NXPE2: variants seen among roughly 807,000 people sequenced by gnomAD.
NXPE2 encodes the protein NXPE family member 2.
In NXPE2, 34 loss-of-function variants were observed where a neutral mutation model predicts 34.4. The ratio of observed to expected loss-of-function variants is 0.99; its 90% CI spans 0.75 to 1.31. The LOEUF (loss-of-function observed/expected upper bound fraction) is 1.31, where lower values mean the gene tolerates loss of function less well. NXPE2 is among the 40% of genes most tolerant of loss of function. The probability of loss-of-function intolerance (pLI) is 0.00; values close to 1 mark genes in which losing one functional copy is unlikely to be tolerated. For missense variants in NXPE2, 649 were observed against 672.5 expected (o/e 0.97, Z 0.39); for synonymous variants, 235 against 231.3 (o/e 1.02, Z -0.15).
At chr11:114,691,820 T>G (rs559036446) in intron 2 of NXPE2, among the ~76,000 whole-genome samples, 1 of 150,062 alleles carries the variant, frequency 6.7e-6, no homozygotes, top group East Asian at 2.0e-4. Flanking sequence ...GGGTTAGATC[T>G]CCAAGGAAAG....
chr11:114,660,975 A>G, the NXPE2 span, among the ~76,000 whole-genome samples: 3 of 152,162 alleles, frequency 2.0e-5, no homozygotes, highest in Non-Finnish European at 4.4e-5. Context: ...GTCAATCATC[A>G]GTTTAAAATT....
At position 114,705,564 on chromosome 11, in the gene NXPE2, G is replaced by T. The variant is rs1356426; in HGVS notation, c.929-217G>T. 4.2e-3 allele frequency among the ~76,000 whole-genome samples: 643 copies of T among 152,242 alleles called. 1 individual carries two copies. Among genetic ancestry groups the T allele is most frequent in the African/African-American group, 0.015 (624 of 41,544 alleles). ...CATTGCAAATGCACAAGAGTCAACAGATCCCCACTCCAAGAAAAACTATTC... is the reference window on the plus strand; with the variant it reads ...CATTGCAAATGCACAAGAGTCAACATATCCCCACTCCAAGAAAAACTATTC... On this transcript the variant is annotated intron_variant, in intron 4 of 5. Transcript: ENST00000389586.
chr11:114,735,547 CAAGAT>C, the NXPE2 span, among the ~76,000 whole-genome samples: 3 of 152,104 alleles, frequency 2.0e-5, no homozygotes, highest in African/African-American at 7.2e-5. Context: ...GAAGATAAAA[CAAGAT>C]AAGGTATGTA....
At chr11:114,634,171 G>A in the NXPE2 span, among the ~76,000 whole-genome samples, 4 of 151,722 alleles carry the variant, frequency 2.6e-5, no homozygotes, top group East Asian at 7.7e-4. Flanking sequence ...GGTGTGAGAT[G>A]GTATCTCATT....
At chr11:114,723,138 GGGA>G in the NXPE2 span, among the ~76,000 whole-genome samples, 2 of 152,148 alleles carry the variant, frequency 1.3e-5, no homozygotes, top group South Asian at 2.1e-4. Flanking sequence ...GCCTCTGGTA[GGGA>G]GGAGGAGAGG....
chr11:114,783,436 C>A, the NXPE2 span, among the ~76,000 whole-genome samples: 2 of 152,172 alleles, frequency 1.3e-5, no homozygotes, highest in Admixed American at 1.3e-4. Context: ...AGCCAGATCA[C>A]CCCAGAGCCG....
chr11:114,471,988 T>C, the NXPE2 span, among the ~76,000 whole-genome samples: 2 of 152,346 alleles, frequency 1.3e-5, no homozygotes, highest in East Asian at 3.9e-4. Flanking sequence ...AGCATTACTT[T>C]GATCCCTTTA....
chr11:114,640,102 TTA>T, the NXPE2 span, among the ~76,000 whole-genome samples: 33 of 124,182 alleles, frequency 2.7e-4, no homozygotes, highest in Admixed American at 1.6e-3. Context: ...TAATATATGA[TTA>T]TATATTGTAT....
the NXPE2 span, among the ~76,000 whole-genome samples, chr11:114,571,650 G>T: frequency 6.6e-6 from 1 of 152,230 alleles, no homozygotes; most frequent in Non-Finnish European, 1.5e-5. Flanking sequence ...AAAGTGTTAC[G>T]TAGCATCTTG....
At chr11:114,580,495 T>A in the NXPE2 span, among the ~76,000 whole-genome samples, 1 of 152,150 alleles carries the variant, frequency 6.6e-6, no homozygotes, top group Non-Finnish European at 1.5e-5. Context: ...GGAACAGCTG[T>A]TTTTTTAATA....
Position 114,706,445 on chromosome 11 carries a change from C to A in NXPE2, c.1195C>A (p.Leu399Ile). ...HGAGIFKTHV[L>I]LDVERHILIQ... ...AGCTGGGATCTTTAAAACACATGTT[C>A]TTCTGGATGTTGAAAGACATATTTT... Residue 399 changes from leucine (L) to isoleucine (I), a missense_variant, in exon 6 of 6, where the codon CTT (leucine) becomes ATT (isoleucine). Coordinates refer to ENST00000389586, the MANE Select transcript of NXPE2 (RefSeq NM_182495.6). 6.4e-7 allele frequency: 1 copy of A among 1,551,302 alleles called. No individual in the cohort carries two copies. Among genetic ancestry groups the A allele is most frequent in the Non-Finnish European group, 8.7e-7 (1 of 1,146,738 alleles).
At chr11:114,472,437 C>G in the NXPE2 span, among the ~76,000 whole-genome samples, 2 of 152,072 alleles carry the variant, frequency 1.3e-5, no homozygotes, top group Admixed American at 1.3e-4. Context: ...AGAAAGTTTA[C>G]AAATTTGTGT....
At chr11:114,644,020 C>T in the NXPE2 span, among the ~76,000 whole-genome samples, 4 of 151,984 alleles carry the variant, frequency 2.6e-5, no homozygotes, top group African/African-American at 9.7e-5. Flanking sequence ...ATTCTCTTTG[C>T]AGCAATTGTG....
chr11:114,470,582 CGTGTGTGTGTGT>C, the NXPE2 span, among the ~76,000 whole-genome samples: 530 of 144,934 alleles, frequency 3.7e-3, 3 homozygotes, highest in East Asian at 7.7e-3. Flanking sequence ...AAAGAATTGA[CGTGTGTGTGTGT>C]GTGTGTGTGT....
At chr11:114,733,120 G>A in the NXPE2 span, among the ~76,000 whole-genome samples, 179 of 151,670 alleles carry the variant, frequency 1.2e-3, no homozygotes, top group Non-Finnish European at 2.2e-3. Flanking sequence ...TTGTTTTGAC[G>A]GAGTCTCGCT....
At chr11:114,507,265 A>G in the NXPE2 span, among the ~76,000 whole-genome samples, 1 of 150,862 alleles carries the variant, frequency 6.6e-6, no homozygotes, top group East Asian at 1.9e-4. Context: ...AAAAAAAAAA[A>G]GCAGCTCAGG....
At chr11:114,686,738 G>C (rs78658510) in intron 2 of NXPE2, among the ~76,000 whole-genome samples, 14,966 of 152,194 alleles carry the variant, frequency 0.098, 876 homozygotes, top group Middle Eastern at 0.2. Context: ...CCCACCAACA[G>C]TATGTAAGCA....
chr11:114,787,081 A>G, the NXPE2 span, among the ~76,000 whole-genome samples: 4 of 152,036 alleles, frequency 2.6e-5, no homozygotes, highest in Middle Eastern at 3.4e-3. Context: ...CTCCCTGCAT[A>G]CTCAGCAATC....
At chr11:114,583,327 A>T in the NXPE2 span, 2 of 623,918 alleles carry the variant, frequency 3.2e-6, no homozygotes, top group South Asian at 1.6e-5. Flanking sequence ...ACTATTATGG[A>T]CAAGCCCACC....
Sources: allele counts gnomAD v4.1 joint callset (sites outside exome capture counted in the v4.1 genomes callset), GRCh38; gene constraint gnomAD v4.1.1; transcripts MANE v1.5; gene names NCBI Gene and HGNC (gene_info 2026-07-23, HGNC 2026-07-21).